NCKAP5L: variants seen among roughly 807,000 people sequenced by gnomAD.
NCKAP5L encodes the protein NCK associated protein 5 like.
NCKAP5L carries 54 observed loss-of-function variants against 103.2 expected under a neutral mutation model. The observed-to-expected ratio is 0.52, with a 90% confidence interval of 0.42 to 0.66. The LOEUF is 0.66. NCKAP5L is among the 30% of genes least tolerant of loss of function. NCKAP5L has a pLI of 0.00. For synonymous variants in NCKAP5L, 762 were observed against 748.6 expected (o/e 1.02, Z -0.29); for missense variants, 1,733 against 1,750.6 (o/e 0.99, Z 0.18).
chr12:49,823,967 G>A (rs929223220), intron 1 of NCKAP5L, among the ~76,000 whole-genome samples: 5 of 152,176 alleles, frequency 3.3e-5, no homozygotes, highest in African/African-American at 4.8e-5. Context: ...AGACACAGGC[G>A]CCGAGGGCTG....
At chr12:49,793,267 G>A in intron 10 of NCKAP5L, 85 bp downstream of exon 10, 2 of 1,365,490 alleles carry the variant, frequency 1.5e-6, no homozygotes, top group South Asian at 2.5e-5. Flanking sequence ...CCTGGCACCT[G>A]CTGCGGGGAC....
chr12:49,792,800 AGT>A lies in NCKAP5L; in HGVS notation c.3525_3526del (p.Leu1176GlyfsTer36), dbSNP rs1459349055. On this transcript the variant is annotated frameshift_variant, in exon 11 of 13. Transcript: ENST00000335999. LOFTEE classifies it high-confidence loss of function. The surrounding 1 kb of genome is among the most constrained non-coding windows in gnomAD (Gnocchi z 4.5). ...CTCTATGCCTGGCACCTCCCGCTCCAGTGTGTGGGCGCGGCGGGGGACTTTGG... is the reference window on the plus strand; with the variant it reads ...CTCTATGCCTGGCACCTCCCGCTCCAGTGTGGGCGCGGCGGGGGACTTTGG... 1 of 1,431,180 alleles carries A rather than the reference AGT, an allele frequency of 7.0e-7. No homozygotes were observed. The highest frequency in any genetic ancestry group is 9.4e-7 in the Non-Finnish European group (1 of 1,064,958). 88.7% of individuals were successfully genotyped at this position (1,431,180 alleles called of 1,614,324 possible).
intron 1 of NCKAP5L, among the ~76,000 whole-genome samples, chr12:49,813,733 G>A (rs1314521325): frequency 6.6e-6 from 1 of 152,048 alleles, no homozygotes; most frequent in Non-Finnish European, 1.5e-5. Flanking sequence ...TCACCATGTT[G>A]GCCAGGCTGG....
At chr12:49,800,219 T>C (rs1163443083) in intron 6 of NCKAP5L, among the ~76,000 whole-genome samples, 6 of 152,198 alleles carry the variant, frequency 3.9e-5, no homozygotes, top group Non-Finnish European at 8.8e-5. Flanking sequence ...ATCCATCCAT[T>C]AAGGCCCAGT....
Position 49,791,835 on chromosome 12 carries a change from C to A in NCKAP5L, c.*4G>T, listed in dbSNP as rs747992228. 1 of 1,584,674 alleles carries A rather than the reference C, an allele frequency of 6.3e-7. No homozygotes were observed. Among genetic ancestry groups the A allele is most frequent in the South Asian group, 1.1e-5 (1 of 87,742 alleles). ...CCAGCGGGGCCGTGGCGTGGCGCAG[C>A]CCCTCAGCCCTGACTCCCACAAGAG... On this transcript the variant is annotated 3_prime_UTR_variant, in exon 13 of 13. Coordinates refer to ENST00000335999, the MANE Select transcript of NCKAP5L (RefSeq NM_001037806.4).
In NCKAP5L at chr12:49,792,566, G is replaced by A. The variant is rs774864826; in HGVS notation, c.3672C>T (p.Pro1224=). 14 of 1,613,778 alleles carry A rather than the reference G, an allele frequency of 8.7e-6. No individual in the cohort carries two copies. In the East Asian group the frequency reaches 2.5e-4, roughly 28 times the overall value. Residue 1224 remains proline, a synonymous_variant, in exon 12 of 13, where the codon CCC becomes CCT. Coordinates refer to ENST00000335999, the MANE Select transcript of NCKAP5L (RefSeq NM_001037806.4). The surrounding 1 kb of genome is among the most constrained non-coding windows in gnomAD (Gnocchi z 4.5). ...CPDDPCEDPG[P]TPPVQLAKNW... ...TCTTGGCCAGCTGGACAGGAGGGGT[G>A]GGGCCTGGGTCTTCACAGGGATCTG...
chr12:49,793,275 G>T, intron 10 of NCKAP5L, 77 bp downstream of exon 10: 1 of 1,422,594 alleles, frequency 7.0e-7, no homozygotes, highest in Non-Finnish European at 9.7e-7. Context: ...CTGCTGCGGG[G>T]ACGGGAAGAA....
At position 49,795,502 on chromosome 12, in the gene NCKAP5L, C is replaced by A. The variant is rs1477322055; in HGVS notation, c.2358G>T (p.Leu786=). 4.6e-6 allele frequency: 7 copies of A among 1,532,388 alleles called. No individual in the cohort carries two copies. In the South Asian group the frequency reaches 9.2e-5, roughly 20 times the overall value. The allele number at this position is 1,532,388 out of a possible 1,614,324, so 94.9% of individuals were successfully genotyped here. A position where few individuals can be genotyped will look rare whatever the true frequency, so the allele number is the denominator to read the frequency against. Reference sequence around the variant, plus strand: ...CAGGGGTACGGGGTACCTGGGGGCACAGGGCCCCTGCCAGCCGGCTCTTGG... The same window carrying A: ...CAGGGGTACGGGGTACCTGGGGGCAAAGGGCCCCTGCCAGCCGGCTCTTGG... ...ELAKSRLAGA[L]CPQVPRTPAK... The change falls in exon 8 of 13, where the codon CTG becomes CTT. Residue 786 remains leucine, a synonymous_variant. Transcript: ENST00000335999.
intron 1 of NCKAP5L, among the ~76,000 whole-genome samples, chr12:49,811,436 C>T (rs1246629858): frequency 2.6e-5 from 4 of 151,890 alleles, no homozygotes; most frequent in Non-Finnish European, 2.9e-5. Context: ...CCGCCACCCT[C>T]CCATCCCCCT....
At chr12:49,818,913 T>C (rs1946330020) in intron 1 of NCKAP5L, among the ~76,000 whole-genome samples, 7 of 151,202 alleles carry the variant, frequency 4.6e-5, no homozygotes, top group Admixed American at 4.0e-4. Flanking sequence ...AAACTTAAAA[T>C]AGGCCAGACC....
At chr12:49,800,195 C>A (rs1375354087) in intron 6 of NCKAP5L, among the ~76,000 whole-genome samples, 1 of 152,182 alleles carries the variant, frequency 6.6e-6, no homozygotes, top group East Asian at 1.9e-4. Flanking sequence ...AACTCCATCT[C>A]AAAAAAATCT....
rs867278131 is a variant in NCKAP5L, at chr12:49,796,052, A to G, written c.1808T>C (p.Val603Ala). Reference protein sequence around the residue: ...QAPEVLRSPGVPPSPCLPESY... With the variant: ...QAPEVLRSPGAPPSPCLPESY... ...TTCTGGGAGGCAAGGACTGGGGGGT[A>G]CTCCAGGGCTTCTGAGGACCTCAGG... Residue 603 changes from valine (V) to alanine (A), a missense_variant, in exon 8 of 13, where the codon GTA (valine) becomes GCA (alanine). Val to Ala is a moderately conservative substitution (Grantham distance 64, BLOSUM62 0). Coordinates refer to ENST00000335999, the MANE Select transcript of NCKAP5L (RefSeq NM_001037806.4). The G allele has an allele frequency of 6.4e-7, 1 of 1,570,460 alleles. No homozygotes were observed. The highest frequency in any genetic ancestry group is 1.2e-5 in the South Asian group (1 of 84,188).
At position 49,815,298 on chromosome 12, in the gene NCKAP5L, T is replaced by C. The variant is rs181480950; in HGVS notation, c.-98-9257A>G. On this transcript the variant is annotated intron_variant, in intron 1 of 12. Coordinates refer to ENST00000335999, the MANE Select transcript of NCKAP5L (RefSeq NM_001037806.4). ...GGTGCTCTAAAACATAATTTTCAATTTCTTATCTTCCTTCTATATTTATTA... is the reference window on the plus strand; with the variant it reads ...GGTGCTCTAAAACATAATTTTCAATCTCTTATCTTCCTTCTATATTTATTA... Among the ~76,000 whole-genome samples the C allele has an allele frequency of 1.0e-3, 156 of 152,350 alleles. 1 individual carries two copies. Among genetic ancestry groups the C allele is most frequent in the Non-Finnish European group, 1.8e-3 (120 of 68,028 alleles).
intron 8 of NCKAP5L, among the ~76,000 whole-genome samples, chr12:49,794,372 G>A (rs953504592): frequency 3.3e-5 from 5 of 152,152 alleles, no homozygotes; most frequent in African/African-American, 9.7e-5. Flanking sequence ...CACAACTCCT[G>A]TTGTGGCAGA....
chr12:49,803,139 G>A lies in NCKAP5L; in HGVS notation c.150C>T (p.Ala50=). The A allele has an allele frequency of 1.9e-6, 3 of 1,614,214 alleles. No individual in the cohort carries two copies. Among genetic ancestry groups the A allele is most frequent in the Non-Finnish European group, 2.5e-6 (3 of 1,180,040 alleles). Residue 50 remains alanine, a synonymous_variant, in exon 4 of 13, where the codon GCC becomes GCT. Transcript: ENST00000335999. ...LEAENSALAQ[A]NENQRETYER... is the part of the protein sequence containing the mutation. ...CATAAGTCTCCCGCTGGTTTTCGTT[G>A]GCCTGGGCAAGTGCCGAGTTCTCTG...
chr12:49,797,039 C>A lies in NCKAP5L; in HGVS notation c.821G>T (p.Trp274Leu). The change falls in exon 8 of 13, where the codon TGG becomes TTG. Residue 274 changes from tryptophan (W) to leucine (L), a missense_variant. Physicochemically the swap from Trp to Leu is moderately conservative, Grantham distance 61 (BLOSUM62 -2). Transcript: ENST00000335999. The surrounding 1 kb of genome is among the most constrained non-coding windows in gnomAD (Gnocchi z 4.5). ...LGGEEDTGRP[W>L]GPSRGPPQAQ... ...CTGAGGAGGTCCCCTGCTAGGACCCCAGGGCCGCCCAGTGTCCTCTTCCCC... is the reference window on the plus strand; with the variant it reads ...CTGAGGAGGTCCCCTGCTAGGACCCAAGGGCCGCCCAGTGTCCTCTTCCCC... 6.4e-7 allele frequency: 1 copy of A among 1,572,612 alleles called. No individual in the cohort carries two copies.
chr12:49,799,043 T>C (rs1862792147), intron 6 of NCKAP5L, among the ~76,000 whole-genome samples: 1 of 152,154 alleles, frequency 6.6e-6, no homozygotes, highest in Non-Finnish European at 1.5e-5. Flanking sequence ...TGTGGCTAGA[T>C]ATAAGTCAGC....
At position 49,791,808 on chromosome 12, in the gene NCKAP5L, C is replaced by G. The variant is rs1257698748; in HGVS notation, c.*31G>C. On this transcript the variant is annotated 3_prime_UTR_variant, in exon 13 of 13. Coordinates refer to ENST00000335999, the MANE Select transcript of NCKAP5L (RefSeq NM_001037806.4). The stretch of plus-strand genomic sequence containing the variant: ...AGCCGGTCCAGTCTGTGGTCCCCAG[C>G]TCCAGCGGGGCCGTGGCGTGGCGCA... The G allele has an allele frequency of 6.6e-7, 1 of 1,524,498 alleles. No homozygotes were observed. Among genetic ancestry groups the G allele is most frequent in the Non-Finnish European group, 8.8e-7 (1 of 1,130,916 alleles). 94.4% of individuals were successfully genotyped at this position (1,524,498 alleles called of 1,614,324 possible).
chr12:49,793,387 C>A lies in NCKAP5L; in HGVS notation c.3305G>T (p.Ser1102Ile). The A allele has an allele frequency of 6.2e-7, 1 of 1,608,512 alleles. No homozygotes were observed. The highest frequency in any genetic ancestry group is 8.5e-7 in the Non-Finnish European group (1 of 1,179,778). Residue 1102 changes from serine to isoleucine, a missense_variant, in exon 10 of 13, where the codon AGC (serine) becomes ATC (isoleucine). By Grantham distance (142) the Ser-to-Ile change is moderately radical. Transcript: ENST00000335999. Reference sequence around the variant, plus strand: ...TGAGGTGGGCACTGGCTCGGCCAGGCTGTCCTCCGAGGGCATCTCTTCCCG... The same window carrying A: ...TGAGGTGGGCACTGGCTCGGCCAGGATGTCCTCCGAGGGCATCTCTTCCCG... ...GRREEMPSEDSLAEPVPTSHF... is the reference protein window; with the variant it reads ...GRREEMPSEDILAEPVPTSHF...
Sources: gnomAD v4.1 joint callset for allele counts (sites outside exome capture counted in the v4.1 genomes callset) on GRCh38, gnomAD v4.1.1 for gene constraint, Gnocchi (gnomAD v3.1) non-coding constraint, MANE v1.5 for transcripts, NCBI Gene and HGNC (gene_info 2026-07-23, HGNC 2026-07-21) for gene names.